RNASEH2B: variants seen among roughly 807,000 people sequenced by gnomAD.
RNASEH2B encodes Aicardi-Goutieres syndrome 2 protein.
In RNASEH2B, 36 loss-of-function variants were observed where a neutral mutation model predicts 45.0. That is an observed-to-expected ratio of 0.80 (90% confidence interval 0.61 to 1.06). RNASEH2B has a LOEUF of 1.06. Ranked by LOEUF, RNASEH2B falls within the 50% of genes least tolerant of loss-of-function variation. The probability of loss-of-function intolerance (pLI) is 0.00; values close to 1 mark genes in which losing one functional copy is unlikely to be tolerated. For synonymous variants in RNASEH2B, 119 were observed against 125.7 expected (o/e 0.95, Z 0.35); for missense variants, 361 against 360.3 (o/e 1.00, Z -0.02).
chr13:50,927,369 G>A, intron 1 of RNASEH2B, 38 bp from the exon 2 acceptor site: 1 of 1,216,984 alleles, frequency 8.2e-7, no homozygotes, highest in Non-Finnish European at 1.2e-6. Context: ...CAAAACAGCT[G>A]TGTGTTTTAA....
At chr13:50,925,994 A>C (rs184321837) in intron 1 of RNASEH2B, among the ~76,000 whole-genome samples, 1 of 152,160 alleles carries the variant, frequency 6.6e-6, no homozygotes, top group Admixed American at 6.5e-5. Context: ...TTTGTTTACC[A>C]TCTCTCAGGG....
chr13:50,968,578 C>T (rs950116433), intron 9 of RNASEH2B, among the ~76,000 whole-genome samples: 1 of 152,100 alleles, frequency 6.6e-6, no homozygotes, highest in Non-Finnish European at 1.5e-5. Flanking sequence ...CCTATTCATA[C>T]CATTATATGA....
intron 9 of RNASEH2B, among the ~76,000 whole-genome samples, chr13:50,965,465 T>C (rs1952156205): frequency 6.6e-6 from 1 of 152,236 alleles, no homozygotes; most frequent in African/African-American, 2.4e-5. Flanking sequence ...TGGGGTTGCA[T>C]ACAGTAGACC....
intron 6 of RNASEH2B, among the ~76,000 whole-genome samples, chr13:50,944,578 C>A (rs1323166895): frequency 6.6e-6 from 1 of 151,862 alleles, no homozygotes; most frequent in African/African-American, 2.4e-5. Context: ...GTATGACAAA[C>A]CTGCATGTTC....
chr13:50,944,390 G>A (rs1951872618), intron 6 of RNASEH2B, among the ~76,000 whole-genome samples: 1 of 152,040 alleles, frequency 6.6e-6, no homozygotes, highest in Non-Finnish European at 1.5e-5. Context: ...CTCATAAGTG[G>A]GAGTTGAACA....
intron 9 of RNASEH2B, chr13:50,969,905 C>G: frequency 1.3e-6 from 2 of 1,550,382 alleles, no homozygotes; most frequent in Non-Finnish European, 1.7e-6. Context: ...CACCAGGACA[C>G]ACCACATGTT....
intron 7 of RNASEH2B, among the ~76,000 whole-genome samples, 162 bp from the exon 8 acceptor site, chr13:50,947,825 T>G (rs1336846452): frequency 6.6e-6 from 1 of 152,098 alleles, no homozygotes; most frequent in African/African-American, 2.4e-5. Flanking sequence ...CCGATAGATA[T>G]TACTATCCCC....
intron 5 of RNASEH2B, chr13:50,941,229 T>C (rs919370042): frequency 6.6e-6 from 1 of 152,196 alleles, no homozygotes; most frequent in Non-Finnish European, 1.5e-5. Flanking sequence ...GTATGGATTA[T>C]CACATTTCAT....
chr13:50,961,118 A>G (rs1338307964), downstream of RNASEH2B, among the ~76,000 whole-genome samples: 1 of 152,128 alleles, frequency 6.6e-6, no homozygotes, highest in Non-Finnish European at 1.5e-5. Context: ...TCCCAATATC[A>G]GTGTTGTTGA....
At chr13:50,963,953 T>C (rs1190167089) in intron 9 of RNASEH2B, among the ~76,000 whole-genome samples, 3 of 152,200 alleles carry the variant, frequency 2.0e-5, no homozygotes, top group Admixed American at 6.5e-5. Flanking sequence ...ATCCCAGCAC[T>C]TTGGGAGGCC....
chr13:50,916,590 A>G (rs1028254304), intron 1 of RNASEH2B, among the ~76,000 whole-genome samples: 7 of 152,216 alleles, frequency 4.6e-5, no homozygotes, highest in Admixed American at 4.6e-4. Context: ...AGGTAAAGAT[A>G]CATTTACAGA....
At chr13:50,922,661 C>G (rs1470076815) in intron 1 of RNASEH2B, among the ~76,000 whole-genome samples, 1 of 152,166 alleles carries the variant, frequency 6.6e-6, no homozygotes, top group Non-Finnish European at 1.5e-5. Context: ...CAAAAAACAG[C>G]AATAACAAAT....
chr13:50,942,329 G>T (rs1566085799), intron 5 of RNASEH2B: 1 of 152,186 alleles, frequency 6.6e-6, no homozygotes, highest in Non-Finnish European at 1.5e-5. Flanking sequence ...TCTCCATAAA[G>T]GGCCAGATTG....
chr13:50,953,808 T>G (rs1952006728), intron 9 of RNASEH2B, 97 bp from the exon 10 acceptor site: 3 of 806,644 alleles, frequency 3.7e-6, no homozygotes, highest in Non-Finnish European at 2.1e-6. Flanking sequence ...CATTCGCCTC[T>G]GTAGAGGTCT....
intron 6 of RNASEH2B, among the ~76,000 whole-genome samples, chr13:50,944,006 G>A (rs545941588): frequency 2.0e-5 from 3 of 151,216 alleles, no homozygotes; most frequent in East Asian, 3.9e-4. Flanking sequence ...GGGACAGGAC[G>A]GGATGGGATG....
intron 1 of RNASEH2B, chr13:50,910,682 G>A (rs565382131): frequency 2.0e-5 from 3 of 152,574 alleles, no homozygotes; most frequent in Non-Finnish European, 4.4e-5. Flanking sequence ...GACCACAGGA[G>A]TGCTGGAGCC....
chr13:50,924,545 T>C (rs1951566732), intron 1 of RNASEH2B, among the ~76,000 whole-genome samples: 1 of 152,064 alleles, frequency 6.6e-6, no homozygotes, highest in Non-Finnish European at 1.5e-5. Flanking sequence ...AAGGGAGATA[T>C]AGACAATTGA....
At chr13:50,915,176 G>A (rs1879670246) in intron 1 of RNASEH2B, 2 of 359,668 alleles carry the variant, frequency 5.6e-6, no homozygotes, top group Non-Finnish European at 9.9e-6. Context: ...TTTACTGAAC[G>A]AATAAAAGTC....
chr13:50,950,289 C>T (rs1172152846), intron 9 of RNASEH2B: 1 of 152,208 alleles, frequency 6.6e-6, no homozygotes, highest in African/African-American at 2.4e-5. Context: ...AACTTTCCTT[C>T]TCCCTTGCAT....
Sources: allele counts gnomAD v4.1 joint callset (sites outside exome capture counted in the v4.1 genomes callset), GRCh38; gene constraint gnomAD v4.1.1; transcripts MANE v1.5; gene names NCBI Gene and HGNC (gene_info 2026-07-23, HGNC 2026-07-21).